KCNIP4: variants seen among roughly 807,000 people sequenced by gnomAD.
The protein encoded by KCNIP4 is potassium voltage-gated channel interacting protein 4, also known as Kv channel-interacting protein 4.
KCNIP4 carries 12 observed loss-of-function variants against 34.0 expected under a neutral mutation model. The ratio of observed to expected loss-of-function variants is 0.35; its 90% CI spans 0.23 to 0.57. KCNIP4 has a LOEUF of 0.57. KCNIP4 is among the 20% of genes least tolerant of loss of function. KCNIP4 has a pLI of 0.83. For synonymous variants in KCNIP4, 124 were observed against 102.2 expected (o/e 1.21, Z -1.29); for missense variants, 238 against 311.7 (o/e 0.76, Z 1.78).
chr4:21,559,675 G>A (rs1050942559), intron 1 of KCNIP4, among the ~76,000 whole-genome samples: 3 of 152,076 alleles, frequency 2.0e-5, no homozygotes, highest in Non-Finnish European at 4.4e-5. Flanking sequence ...AATGATTAAT[G>A]TCAACCATAC....
intron 1 of KCNIP4, among the ~76,000 whole-genome samples, chr4:21,271,344 T>G (rs960938878): frequency 4.6e-5 from 7 of 152,236 alleles, no homozygotes; most frequent in Non-Finnish European, 7.3e-5. Context: ...TTGCTTTTCA[T>G]TTCTAGTACT....
intron 1 of KCNIP4, among the ~76,000 whole-genome samples, chr4:21,051,976 G>C (rs1384554159): frequency 1.3e-5 from 2 of 152,124 alleles, no homozygotes; most frequent in Non-Finnish European, 2.9e-5. Flanking sequence ...TAGAATTGCT[G>C]GGAGTTCAGG....
At chr4:21,103,044 C>A (rs1748085311) in intron 1 of KCNIP4, among the ~76,000 whole-genome samples, 1 of 151,926 alleles carries the variant, frequency 6.6e-6, no homozygotes, top group South Asian at 2.1e-4. Context: ...TGCTATGTGG[C>A]ATTACAATAT....
At chr4:21,180,901 G>T (rs921574141) in intron 1 of KCNIP4, among the ~76,000 whole-genome samples, 1 of 151,858 alleles carries the variant, frequency 6.6e-6, no homozygotes, top group Admixed American at 6.6e-5. Flanking sequence ...TCCTGGTTAT[G>T]AAAAAAATAC....
chr4:21,850,726 G>T (rs1724324823), intron 1 of KCNIP4: 1 of 151,988 alleles, frequency 6.6e-6, no homozygotes, highest in South Asian at 2.1e-4. Context: ...TACAAAATAA[G>T]ATTTTTTACA....
chr4:21,083,451 T>A (rs778955665), intron 1 of KCNIP4, among the ~76,000 whole-genome samples: 1 of 151,822 alleles, frequency 6.6e-6, no homozygotes, highest in Admixed American at 6.6e-5. Flanking sequence ...GGTTCTTGCA[T>A]TGGATTATCC....
intron 1 of KCNIP4, among the ~76,000 whole-genome samples, chr4:21,397,622 C>A (rs1371911810): frequency 1.3e-5 from 2 of 152,126 alleles, no homozygotes; most frequent in Admixed American, 1.3e-4. Flanking sequence ...ATTTACTAAT[C>A]AGTGTTAATA....
At chr4:20,880,169 A>G (rs1450373455) in intron 2 of KCNIP4, among the ~76,000 whole-genome samples, 6 of 152,188 alleles carry the variant, frequency 3.9e-5, no homozygotes, top group Admixed American at 3.3e-4. Flanking sequence ...GGGAAAAAAG[A>G]TATTACTAGT....
chr4:21,633,401 G>A (rs1423778781), intron 1 of KCNIP4, among the ~76,000 whole-genome samples: 2 of 151,102 alleles, frequency 1.3e-5, no homozygotes, highest in Non-Finnish European at 3.0e-5. Context: ...AGAGATTTCT[G>A]GGCCAAGCTA....
chr4:21,111,699 C>T (rs530651299), intron 1 of KCNIP4, among the ~76,000 whole-genome samples: 20 of 152,136 alleles, frequency 1.3e-4, no homozygotes, highest in Admixed American at 3.3e-4. Context: ...TTCCTGTGGA[C>T]GCTGCCTTGG....
At chr4:21,657,589 T>A (rs1748067591) in intron 1 of KCNIP4, among the ~76,000 whole-genome samples, 1 of 152,216 alleles carries the variant, frequency 6.6e-6, no homozygotes. Flanking sequence ...ATTAGAATTA[T>A]TAATGTTTCT....
intron 1 of KCNIP4, among the ~76,000 whole-genome samples, chr4:21,933,419 GTCTATC>G (rs1312960988): frequency 6.6e-6 from 1 of 151,990 alleles, no homozygotes; most frequent in Non-Finnish European, 1.5e-5. Flanking sequence ...CCTTGTTCTT[GTCTATC>G]TCTAAGTGTA....
intron 1 of KCNIP4, among the ~76,000 whole-genome samples, chr4:21,894,259 C>G (rs2109407610): frequency 6.6e-6 from 1 of 152,104 alleles, no homozygotes; most frequent in South Asian, 2.1e-4. Context: ...TCACTTGAAC[C>G]AGGAGGTAGA....
At chr4:21,618,280 A>G (rs960254173) in intron 1 of KCNIP4, among the ~76,000 whole-genome samples, 1 of 152,152 alleles carries the variant, frequency 6.6e-6, no homozygotes, top group Non-Finnish European at 1.5e-5. Flanking sequence ...TTTCATAGAT[A>G]CTACTGTCCG....
intron 3 of KCNIP4, among the ~76,000 whole-genome samples, chr4:20,803,884 C>T (rs28493967): frequency 0.48 from 73,185 of 151,880 alleles, 17,956 homozygotes; most frequent in East Asian, 0.7. Context: ...AATTCTAGGA[C>T]CATGCTGAAT....
chr4:21,043,278 A>C (rs1205256567), intron 1 of KCNIP4, among the ~76,000 whole-genome samples: 1 of 152,186 alleles, frequency 6.6e-6, no homozygotes, highest in East Asian at 1.9e-4. Context: ...CAAATGGATC[A>C]TGACACTGAT....
At chr4:21,484,213 G>C (rs1272665107) in intron 1 of KCNIP4, among the ~76,000 whole-genome samples, 2 of 152,032 alleles carry the variant, frequency 1.3e-5, no homozygotes, top group African/African-American at 2.4e-5. Context: ...GATCGCCTGA[G>C]GTCAGGAGTT....
chr4:20,940,249 T>C (rs925208645), intron 1 of KCNIP4, among the ~76,000 whole-genome samples: 2 of 152,212 alleles, frequency 1.3e-5, no homozygotes, highest in African/African-American at 2.4e-5. Context: ...TTAGATGCAA[T>C]TTCTCAGTCG....
At chr4:20,922,088 C>T (rs1046245933) in intron 1 of KCNIP4, among the ~76,000 whole-genome samples, 1 of 152,164 alleles carries the variant, frequency 6.6e-6, no homozygotes, top group Non-Finnish European at 1.5e-5. Context: ...GACCCATATT[C>T]CAAGCCCAGC....
Sources: gnomAD v4.1 joint callset for allele counts (sites outside exome capture counted in the v4.1 genomes callset) on GRCh38, gnomAD v4.1.1 for gene constraint, MANE v1.5 for transcripts, NCBI Gene and HGNC (gene_info 2026-07-23, HGNC 2026-07-21) for gene names.